EXT1: variants seen among roughly 807,000 people sequenced by gnomAD.
EXT1 encodes exostosin-1.
In EXT1, 20 loss-of-function variants were observed where a neutral mutation model predicts 82.5. The ratio of observed to expected loss-of-function variants is 0.24; its 90% CI spans 0.17 to 0.35. EXT1 has a LOEUF of 0.35. Among genes scored for constraint, EXT1 ranks in the 10% least tolerant of loss-of-function variants. EXT1 has a pLI of 1.00. For missense variants in EXT1, 757 were observed against 936.5 expected, an observed-to-expected ratio of 0.81 and a Z score of 2.50; for synonymous variants, 348 against 350.8, an observed-to-expected ratio of 0.99 and a Z score of 0.09.
chr8:118,056,571 G>A (rs1816798571), intron 1 of EXT1, among the ~76,000 whole-genome samples: 1 of 152,080 alleles, frequency 6.6e-6, no homozygotes, highest in Non-Finnish European at 1.5e-5. Context: ...TCTGAAAAGG[G>A]ACCGTTTGAA....
chr8:118,019,738 TC>T (rs35034162), intron 1 of EXT1, among the ~76,000 whole-genome samples: 1 of 152,164 alleles, frequency 6.6e-6, no homozygotes, highest in East Asian at 1.9e-4. Flanking sequence ...ATTGTCAACA[TC>T]CCCTTTTTAT....
intron 1 of EXT1, among the ~76,000 whole-genome samples, chr8:117,876,083 T>C (rs1413749794): frequency 2.0e-5 from 3 of 152,206 alleles, no homozygotes; most frequent in Non-Finnish European, 4.4e-5. Flanking sequence ...ATAAATAATA[T>C]TCAGGCCTTG....
rs568707161 is a variant in EXT1, at chr8:117,886,718, T to C, written c.963-49517A>G. 2.3e-3 allele frequency among the ~76,000 whole-genome samples: 345 copies of C among 152,310 alleles called. 7 individuals are homozygous for C. Among genetic ancestry groups the C allele is most frequent in the Non-Finnish European group, 1.2e-3 (80 of 68,024 alleles). ...TCCTAGATCTCTGCCATCTGCCTGT[T>C]CGTCTCATTCCATGTTCAAGGCAAT... On this transcript the variant is annotated intron_variant, in intron 1 of 10. Transcript: ENST00000378204.
intron 1 of EXT1, among the ~76,000 whole-genome samples, chr8:117,839,306 A>G (rs1052273956): frequency 6.6e-6 from 1 of 152,192 alleles, no homozygotes; most frequent in Admixed American, 6.5e-5. Context: ...AGATGACTAT[A>G]GATTCAGTTT....
At chr8:117,884,671 A>G (rs1475591579) in intron 1 of EXT1, among the ~76,000 whole-genome samples, 1 of 151,928 alleles carries the variant, frequency 6.6e-6, no homozygotes, top group Non-Finnish European at 1.5e-5. Context: ...TATTCTGTTC[A>G]TTGCACTGAA....
chr8:117,888,168 T>C (rs1405056639), intron 1 of EXT1, among the ~76,000 whole-genome samples: 1 of 151,676 alleles, frequency 6.6e-6, no homozygotes, highest in African/African-American at 2.4e-5. Flanking sequence ...AAGAACATAG[T>C]AAAAGCAAAA....
At chr8:117,987,044 C>A (rs538646102) in intron 1 of EXT1, among the ~76,000 whole-genome samples, 1 of 152,262 alleles carries the variant, frequency 6.6e-6, no homozygotes, top group South Asian at 2.1e-4. Flanking sequence ...TGGTAGAAAC[C>A]TCTTCCCACT....
At position 118,110,174 on chromosome 8, in the gene EXT1, G is replaced by T; in HGVS notation, c.873C>A (p.Asp291Glu). 6.2e-7 allele frequency: 1 copy of T among 1,614,146 alleles called. No individual in the cohort carries two copies. Among genetic ancestry groups the T allele is most frequent in the Non-Finnish European group, 8.5e-7 (1 of 1,180,034 alleles). The change falls in exon 1 of 11, where the codon GAC (aspartate) becomes GAA (glutamate). Residue 291 changes from aspartate (D) to glutamate (E), a missense_variant. By Grantham distance (45) the Asp-to-Glu change is conservative. This residue lies in a region of EXT1 where 247 missense variants were observed against 330.1 expected (regional missense o/e 0.75). Transcript: ENST00000378204. ...GCTTGCAGGTGGTGAGGAGCACAAC[G>T]TCCTCCCCGTTATGGACGTGATATA... ...NALYHVHNGEDVVLLTTCKHG... is the reference protein window; with the variant it reads ...NALYHVHNGEEVVLLTTCKHG...
At chr8:117,905,985 A>C (rs1003636274) in intron 1 of EXT1, among the ~76,000 whole-genome samples, 9 of 152,112 alleles carry the variant, frequency 5.9e-5, no homozygotes, top group African/African-American at 9.7e-5. Context: ...ATCTCTCCCA[A>C]CAGGCTGTGG....
intron 1 of EXT1, among the ~76,000 whole-genome samples, chr8:117,847,370 G>A (rs1812379373): frequency 6.6e-6 from 1 of 152,078 alleles, no homozygotes; most frequent in Non-Finnish European, 1.5e-5. Flanking sequence ...TCTTCCTTTT[G>A]TACATTTTAA....
intron 1 of EXT1, among the ~76,000 whole-genome samples, chr8:118,011,159 C>T (rs1815891966): frequency 6.6e-6 from 1 of 152,196 alleles, no homozygotes. Context: ...CAAAGAGGCC[C>T]TCACAGACTA....
intron 1 of EXT1, among the ~76,000 whole-genome samples, chr8:117,966,280 A>C (rs112045280): frequency 1.5e-4 from 23 of 152,342 alleles, no homozygotes; most frequent in Non-Finnish European, 2.9e-4. Context: ...GTATTACGAC[A>C]GGATTCCAAA....
rs1452832937 is a variant in EXT1, at chr8:117,980,687, G to A, written c.962+129398C>T. ...TTTATGAGGGAAGGTTTGTTTGTTC[G>A]GGTGTTGGTGGTTTTTTTTTTTTTT... is the stretch of plus-strand genomic sequence containing the variant. On this transcript the variant is annotated intron_variant, in intron 1 of 10. Transcript: ENST00000378204. Among the ~76,000 whole-genome samples the A allele has an allele frequency of 1.5e-4, 19 of 130,090 alleles. No individual in the cohort carries two copies. In the East Asian group the frequency reaches 4.2e-3, roughly 29 times the overall value. 85.3% of individuals were successfully genotyped at this position (130,090 alleles called of 152,430 possible).
intron 1 of EXT1, among the ~76,000 whole-genome samples, chr8:118,027,546 A>G (rs919835542): frequency 1.3e-5 from 2 of 152,186 alleles, no homozygotes; most frequent in African/African-American, 2.4e-5. Context: ...TCTCAGTATC[A>G]GCTTACATAA....
At chr8:117,847,990 C>A (rs1373943781) in intron 1 of EXT1, among the ~76,000 whole-genome samples, 2 of 152,216 alleles carry the variant, frequency 1.3e-5, no homozygotes, top group Admixed American at 6.5e-5. Flanking sequence ...TGCCTTGTGA[C>A]TTTGACAGTC....
intron 1 of EXT1, among the ~76,000 whole-genome samples, chr8:117,956,957 G>A (rs951124809): frequency 2.0e-5 from 3 of 152,128 alleles, no homozygotes; most frequent in African/African-American, 7.2e-5. Flanking sequence ...ATTCAATCCC[G>A]TGACCATGAA....
intron 1 of EXT1, among the ~76,000 whole-genome samples, chr8:117,853,663 T>G (rs903692307): frequency 2.6e-5 from 4 of 152,250 alleles, no homozygotes; most frequent in African/African-American, 9.6e-5. Flanking sequence ...GTTCATCTTA[T>G]CTGCTCTTCC....
intron 4 of EXT1, among the ~76,000 whole-genome samples, chr8:117,825,361 A>G (rs559386723): frequency 6.6e-6 from 1 of 152,286 alleles, no homozygotes; most frequent in Admixed American, 6.5e-5. Flanking sequence ...ACTACCCTGG[A>G]TAGCTCCCAG....
intron 1 of EXT1, among the ~76,000 whole-genome samples, chr8:117,994,690 T>C (rs1361797147): frequency 6.6e-6 from 1 of 152,166 alleles, no homozygotes; most frequent in Non-Finnish European, 1.5e-5. Flanking sequence ...GCTACATCCC[T>C]GGGGCAACAA....
Sources: gnomAD v4.1 joint callset for allele counts (sites outside exome capture counted in the v4.1 genomes callset) on GRCh38, gnomAD v4.1.1 for gene constraint, gnomAD v4.1.1 regional missense constraint, MANE v1.5 for transcripts, NCBI Gene and HGNC (gene_info 2026-07-23, HGNC 2026-07-21) for gene names.